The following CCDC80 variants were observed in gnomAD, a reference collection of about 807,000 sequenced individuals.
CCDC80 encodes coiled-coil domain-containing protein 80.
Under a neutral mutation model 78.7 loss-of-function variants are expected in CCDC80, and 49 were observed. The ratio of observed to expected loss-of-function variants is 0.62; its 90% CI spans 0.50 to 0.79. The LOEUF is 0.79. Among genes scored for constraint, CCDC80 ranks in the 30% least tolerant of loss-of-function variants. The probability of loss-of-function intolerance (pLI) is 0.00; values close to 1 mark genes in which losing one functional copy is unlikely to be tolerated. For synonymous variants in CCDC80, 488 were observed against 447.0 expected (o/e 1.09, Z -1.16); for missense variants, 1,205 against 1,198.6 (o/e 1.01, Z -0.08).
chr3:112,639,439 G>T lies in CCDC80; in HGVS notation c.467C>A (p.Ala156Asp). The T allele has an allele frequency of 6.2e-7, 1 of 1,614,174 alleles. No individual in the cohort carries two copies. Among genetic ancestry groups the T allele is most frequent in the Non-Finnish European group, 8.5e-7 (1 of 1,180,030 alleles). Reference sequence around the variant, plus strand: ...GTAGTAGCCTTCCGAGGCATGAGGGGCTGAGATGACCCATACTCTGTTCTT... The same window carrying T: ...GTAGTAGCCTTCCGAGGCATGAGGGTCTGAGATGACCCATACTCTGTTCTT... ...AGKNRVWVISAPHASEGYYRL... is the reference protein window; with the variant it reads ...AGKNRVWVISDPHASEGYYRL... The change falls in exon 2 of 8, where the codon GCC becomes GAC. Residue 156 changes from alanine to aspartate, a missense_variant. Transcript: ENST00000206423.
intron 3 of CCDC80, among the ~76,000 whole-genome samples, chr3:112,628,448 T>G (rs1396566497): frequency 6.6e-6 from 1 of 152,224 alleles, no homozygotes; most frequent in Non-Finnish European, 1.5e-5. Context: ...GATTTCCAGA[T>G]GACTACCAGA....
rs1489473531 is a variant in CCDC80 at position 112,638,915 on chromosome 3, G to A, written c.991C>T (p.Leu331=). The change falls in exon 2 of 8, where the codon CTG becomes TTG. Residue 331 remains leucine (L), a synonymous_variant. Transcript: ENST00000206423. ...PPTRESRVKV[L]RKLAATAPAL... is the part of the protein sequence containing the mutation. ...GGTGCAGTGGCGGCCAGTTTTCTCA[G>A]GACCTTCACCCGACTCTCTCTGGTT... 6.2e-7 allele frequency: 1 copy of A among 1,613,246 alleles called. No individual in the cohort carries two copies. The highest frequency in any genetic ancestry group is 8.5e-7 in the Non-Finnish European group (1 of 1,180,014).
chr3:112,605,866 G>A, intron 7 of CCDC80, 103 bp from the exon 8 acceptor site: 2 of 915,450 alleles, frequency 2.2e-6, no homozygotes, highest in Non-Finnish European at 3.3e-6. Context: ...GAGGACCCAT[G>A]AGCCTCTTCT....
intron 5 of CCDC80, among the ~76,000 whole-genome samples, chr3:112,614,479 G>T (rs1935692217): frequency 6.6e-6 from 1 of 152,074 alleles, no homozygotes; most frequent in Non-Finnish European, 1.5e-5. Context: ...CTGGAGTGAT[G>T]ATCTTGGATC....
chr3:112,638,660 G>C lies in CCDC80; in HGVS notation c.1246C>G (p.Pro416Ala), dbSNP rs750253669. The C allele has an allele frequency of 3.1e-6, 5 of 1,614,022 alleles. No homozygotes were observed. The highest frequency in any genetic ancestry group is 3.4e-6 in the Non-Finnish European group (4 of 1,179,994). The change falls in exon 2 of 8, where the codon CCT becomes GCT. Residue 416 changes from proline (P) to alanine (A), a missense_variant. Pro to Ala is a conservative substitution (Grantham distance 27). Transcript: ENST00000206423. ...RRPSVSENLY[P>A]PSRKDQHRER... ...CTGTGCTGATCCTTCCGGGATGGAGGGTAAAGATTCTCTGAAACTGAGGGT... is the reference window on the plus strand; with the variant it reads ...CTGTGCTGATCCTTCCGGGATGGAGCGTAAAGATTCTCTGAAACTGAGGGT...
At position 112,601,677 on chromosome 3, in the gene CCDC80, C is replaced by CAAAAAAAAAAAAA. The variant is rs71633304; in HGVS notation, c.*3739_*3740insTTTTTTTTTTTTT. 8 of 86,348 alleles carry CAAAAAAAAAAAAA rather than the reference C, an allele frequency of 9.3e-5. No homozygotes were observed. Among genetic ancestry groups the CAAAAAAAAAAAAA allele is most frequent in the East Asian group, 3.3e-4 (1 of 3,016 alleles). 5.3% of individuals were successfully genotyped at this position (86,348 alleles called of 1,614,324 possible). On this transcript the variant is annotated 3_prime_UTR_variant, in exon 8 of 8. Transcript: ENST00000206423. Reference sequence around the variant, plus strand: ...CTGGGTGACAGAGTGAGACCCTCTCCAAAAAAAGAAAAAAAAAAAGAGAAA... The same window carrying CAAAAAAAAAAAAA: ...CTGGGTGACAGAGTGAGACCCTCTCCAAAAAAAAAAAAAAAAAAAAGAAAAAAAAAAAGAGAAA...
At chr3:112,611,641 C>T (rs750639742) in intron 5 of CCDC80, among the ~76,000 whole-genome samples, 6 of 152,218 alleles carry the variant, frequency 3.9e-5, no homozygotes, top group African/African-American at 7.2e-5. Context: ...GACCTACTAC[C>T]CTCAGACACT....
In CCDC80 at chr3:112,601,132, A is replaced by G. The variant is rs1046422816; in HGVS notation, c.*4285T>C. ...TCTGGAGCTCAGTTACCTGTAAAAC[A>G]AGGAAGAATGAATGGTCTTTATGGA... On this transcript the variant is annotated 3_prime_UTR_variant, in exon 8 of 8. Coordinates refer to ENST00000206423, the MANE Select transcript of CCDC80 (RefSeq NM_199511.3). The G allele has an allele frequency of 1.1e-4, 17 of 152,208 alleles. No homozygotes were observed. Among genetic ancestry groups the G allele is most frequent in the African/African-American group, 3.9e-4 (16 of 41,442 alleles). The allele number at this position is 152,208 out of a possible 1,614,324, so 9.4% of individuals were successfully genotyped here.
chr3:112,632,162 T>C (rs902192488), intron 2 of CCDC80, among the ~76,000 whole-genome samples: 1 of 152,228 alleles, frequency 6.6e-6, no homozygotes, highest in Non-Finnish European at 1.5e-5. Context: ...TCTGAAAATA[T>C]TTCTTCAGAT....
At chr3:112,616,222 T>G (rs1199531315) in intron 5 of CCDC80, among the ~76,000 whole-genome samples, 1 of 152,100 alleles carries the variant, frequency 6.6e-6, no homozygotes, top group East Asian at 1.9e-4. Context: ...TTTCTCCTTT[T>G]GAGGTCTTAG....
chr3:112,597,487 GGT>G lies in CCDC80; in HGVS notation c.*7928_*7929del, dbSNP rs1253364021. 1.3e-5 allele frequency: 2 copies of G among 152,044 alleles called. No individual in the cohort carries two copies. Among genetic ancestry groups the G allele is most frequent in the African/African-American group, 4.8e-5 (2 of 41,402 alleles). The allele number at this position is 152,044 out of a possible 1,614,324, so 9.4% of individuals were successfully genotyped here. A position where few individuals can be genotyped will look rare whatever the true frequency, so the allele number is the denominator to read the frequency against. On this transcript the variant is annotated 3_prime_UTR_variant, in exon 8 of 8. Transcript: ENST00000206423. Reference sequence around the variant, plus strand: ...AGGTATATTCTCTAGTTTCAATCTTGGTGAAATTTTTTTCTATGAATTCATTA... The same window carrying G: ...AGGTATATTCTCTAGTTTCAATCTTGGAAATTTTTTTCTATGAATTCATTA...
intron 2 of CCDC80, among the ~76,000 whole-genome samples, chr3:112,633,559 C>T (rs9858844): frequency 0.059 from 8,969 of 152,152 alleles, 379 homozygotes; most frequent in East Asian, 0.15. Context: ...AACACTCCTC[C>T]GGTTATATAG....
intron 2 of CCDC80, among the ~76,000 whole-genome samples, chr3:112,635,088 G>A (rs1318219997): frequency 1.3e-5 from 2 of 152,182 alleles, no homozygotes; most frequent in African/African-American, 4.8e-5. Flanking sequence ...GGCTCCACCT[G>A]CAGCTCCTGT....
chr3:112,611,632 A>G (rs1206823706), intron 5 of CCDC80, among the ~76,000 whole-genome samples: 1 of 152,186 alleles, frequency 6.6e-6, no homozygotes, highest in Non-Finnish European at 1.5e-5. Flanking sequence ...GGTTTCCCCG[A>G]CCTACTACCC....
intron 3 of CCDC80, among the ~76,000 whole-genome samples, chr3:112,622,292 A>G (rs1559878268): frequency 6.6e-6 from 1 of 152,214 alleles, no homozygotes; most frequent in Non-Finnish European, 1.5e-5. Flanking sequence ...AACATTTTGC[A>G]CTCCCAGATT....
At chr3:112,623,094 A>C (rs9870432) in intron 3 of CCDC80, among the ~76,000 whole-genome samples, 65,868 of 151,916 alleles carry the variant, frequency 0.43, 15,828 homozygotes, top group Non-Finnish European at 0.54. Context: ...TATTGAGGTG[A>C]GGGATTCCCA....
Position 112,601,691 on chromosome 3 carries a change from AAAAAAG to A in CCDC80, c.*3720_*3725del. 3.2e-5 allele frequency: 1 copy of A among 30,818 alleles called. No individual in the cohort carries two copies. The highest frequency in any genetic ancestry group is 8.1e-5 in the African/African-American group (1 of 12,382). The allele number at this position is 30,818 out of a possible 1,614,324, so 1.9% of individuals were successfully genotyped here. A position where few individuals can be genotyped will look rare whatever the true frequency, so the allele number is the denominator to read the frequency against. Reference sequence around the variant, plus strand: ...GAGACCCTCTCCAAAAAAAGAAAAAAAAAAAGAGAAAAAAAAGAAGCAGCAGCAACG... The same window carrying A: ...GAGACCCTCTCCAAAAAAAGAAAAAAAGAAAAAAAAGAAGCAGCAGCAACG... On this transcript the variant is annotated 3_prime_UTR_variant, in exon 8 of 8. Transcript: ENST00000206423.
intron 5 of CCDC80, among the ~76,000 whole-genome samples, chr3:112,610,489 G>A (rs1371414656): frequency 1.3e-5 from 2 of 152,152 alleles, no homozygotes; most frequent in Non-Finnish European, 2.9e-5. Flanking sequence ...AGTTTAGAGG[G>A]GGTTAAGAAA....
chr3:112,634,494 T>C (rs1326559681), intron 2 of CCDC80, among the ~76,000 whole-genome samples: 1 of 152,146 alleles, frequency 6.6e-6, no homozygotes, highest in East Asian at 1.9e-4. Flanking sequence ...AACCTCAAAC[T>C]GACACCAAGC....
Sources: gnomAD v4.1 joint callset for allele counts (sites outside exome capture counted in the v4.1 genomes callset) on GRCh38, gnomAD v4.1.1 for gene constraint, MANE v1.5 for transcripts, NCBI Gene and HGNC (gene_info 2026-07-23, HGNC 2026-07-21) for gene names.